Variants in COP1 observed in about 807,000 individuals in gnomAD.
The protein encoded by COP1 is E3 ubiquitin-protein ligase COP1.
Under a neutral mutation model 101.3 loss-of-function variants are expected in COP1, and 24 were observed. That is an observed-to-expected ratio of 0.24 (90% CI 0.17 to 0.33). The LOEUF is 0.33. Ranked by LOEUF, COP1 falls within the 10% of genes least tolerant of loss-of-function variation. The probability of loss-of-function intolerance (pLI) is 1.00; values close to 1 mark genes in which losing one functional copy is unlikely to be tolerated. For missense variants in COP1, 663 were observed against 906.2 expected (o/e 0.73, Z 3.45); for synonymous variants, 347 against 341.9 (o/e 1.01, Z -0.17).
Position 176,158,355 on chromosome 1 carries a change from T to C in COP1, c.762+4514A>G, listed in dbSNP as rs905603180. Among the ~76,000 whole-genome samples, 8 of 152,212 alleles carry C rather than the reference T, an allele frequency of 5.3e-5. No homozygotes were observed. The East Asian group carries it at 1.5e-3, about 29-fold the overall frequency. On this transcript the variant is annotated intron_variant, in intron 5 of 19. Transcript: ENST00000367669. ...TTTGTCAGACATATAAAAGAAATAATTCGCCTCTCGCCGTCCTGCACTAAA... is the reference window on the plus strand; with the variant it reads ...TTTGTCAGACATATAAAAGAAATAACTCGCCTCTCGCCGTCCTGCACTAAA...
chr1:176,041,429 C>T (rs1670516474), intron 14 of COP1, among the ~76,000 whole-genome samples: 1 of 150,854 alleles, frequency 6.6e-6, no homozygotes, highest in South Asian at 2.1e-4. Context: ...ATCACTACAA[C>T]CTCTGCCTCC....
chr1:176,056,188 T>G (rs1251494307), intron 11 of COP1, among the ~76,000 whole-genome samples: 1 of 152,218 alleles, frequency 6.6e-6, no homozygotes, highest in African/African-American at 2.4e-5. Flanking sequence ...TTTTCTGTAA[T>G]TTGAGATTTG....
At chr1:176,040,559 C>T (rs541479104) in intron 14 of COP1, among the ~76,000 whole-genome samples, 2 of 152,292 alleles carry the variant, frequency 1.3e-5, no homozygotes, top group African/African-American at 4.8e-5. Flanking sequence ...ATCCTCCTGC[C>T]TCAGCCTCCA....
At chr1:176,043,325 A>G in intron 13 of COP1, 58 bp from the exon 14 acceptor site, 1 of 1,055,148 alleles carries the variant, frequency 9.5e-7, no homozygotes, top group Non-Finnish European at 1.4e-6. Flanking sequence ...AAATGAATAA[A>G]GCAAGAAAAA....
rs555717658 is a variant in COP1 at position 176,119,774 on chromosome 1, A to G, written c.969-3093T>C. ...CCACAGTCACTAGATGGCAGTAACA[A>G]TATCAATAGTACCATTTACTGACGG... On this transcript the variant is annotated intron_variant, in intron 8 of 19. Coordinates refer to ENST00000367669, the MANE Select transcript of COP1 (RefSeq NM_022457.7). Among the ~76,000 whole-genome samples the G allele has an allele frequency of 1.2e-3, 190 of 152,290 alleles. 2 individuals carry two copies. Among genetic ancestry groups the G allele is most frequent in the African/African-American group, 4.4e-3 (184 of 41,574 alleles).
At chr1:176,009,155 C>A (rs1664142774) in intron 15 of COP1, among the ~76,000 whole-genome samples, 1 of 152,154 alleles carries the variant, frequency 6.6e-6, no homozygotes, top group Admixed American at 6.5e-5. Context: ...TTGTCCAGAT[C>A]TTTGTTTTCA....
At chr1:176,079,916 G>A (rs180931587) in intron 11 of COP1, among the ~76,000 whole-genome samples, 1 of 151,942 alleles carries the variant, frequency 6.6e-6, no homozygotes, top group East Asian at 1.9e-4. Context: ...CCAGCTACTC[G>A]GGAAGCTGAG....
At position 176,165,492 on chromosome 1, in the gene COP1, C is replaced by T. The variant is rs902897148; in HGVS notation, c.566-1601G>A. Among the ~76,000 whole-genome samples, 14 of 151,538 alleles carry T rather than the reference C, an allele frequency of 9.2e-5. No homozygotes were observed. In the East Asian group the frequency reaches 2.1e-3, roughly 23 times the overall value. On this transcript the variant is annotated intron_variant, in intron 3 of 19. Coordinates refer to ENST00000367669, the MANE Select transcript of COP1 (RefSeq NM_022457.7). ...GGTGGATCACCTGAGGTCAGGAGTT[C>T]GAGACCAGCCTGGCCAACATGGCAA...
chr1:176,181,541 G>T (rs1049954963), intron 2 of COP1, among the ~76,000 whole-genome samples: 1 of 152,036 alleles, frequency 6.6e-6, no homozygotes, highest in African/African-American at 2.4e-5. Flanking sequence ...TCTCCAGTGG[G>T]TATCTTAAAA....
At chr1:175,965,188 G>C (rs77361500) in intron 18 of COP1, among the ~76,000 whole-genome samples, 10,573 of 152,060 alleles carry the variant, frequency 0.07, 462 homozygotes, top group Non-Finnish European at 0.087. Flanking sequence ...AGGAGGTCAT[G>C]GACTCTGTGT....
intron 18 of COP1, 135 bp downstream of exon 18, chr1:175,986,808 T>C (rs1471749149): frequency 3.3e-6 from 2 of 613,000 alleles, no homozygotes; most frequent in Non-Finnish European, 5.5e-6. Flanking sequence ...CCTATTGTCT[T>C]TGGTGACACA....
At chr1:175,987,297 C>G (rs1348377478) in intron 17 of COP1, among the ~76,000 whole-genome samples, 194 bp from the exon 18 acceptor site, 1 of 152,096 alleles carries the variant, frequency 6.6e-6, no homozygotes, top group South Asian at 2.1e-4. Flanking sequence ...CTTTACTAAT[C>G]TAAAGAAACA....
At chr1:176,167,910 G>A (rs1435203535) in intron 3 of COP1, among the ~76,000 whole-genome samples, 3 of 152,044 alleles carry the variant, frequency 2.0e-5, no homozygotes, top group East Asian at 1.9e-4. Flanking sequence ...GTACATACAG[G>A]ATTGAAAACA....
chr1:176,148,639 T>A (rs1163558360), intron 6 of COP1, among the ~76,000 whole-genome samples: 1 of 152,162 alleles, frequency 6.6e-6, no homozygotes, highest in African/African-American at 2.4e-5. Flanking sequence ...TACATATGTT[T>A]TTACCATAAG....
intron 9 of COP1, among the ~76,000 whole-genome samples, chr1:176,098,897 G>A (rs1682887883): frequency 6.6e-6 from 1 of 152,134 alleles, no homozygotes; most frequent in African/African-American, 2.4e-5. Context: ...CAAATGAGGG[G>A]TAAACAGAAC....
intron 9 of COP1, among the ~76,000 whole-genome samples, chr1:176,114,088 A>T (rs1282793879): frequency 6.6e-6 from 1 of 152,038 alleles, no homozygotes; most frequent in Admixed American, 6.6e-5. Flanking sequence ...GTGAAATTAT[A>T]TTCAGAAGGA....
At chr1:176,057,887 G>T (rs1300151686) in intron 11 of COP1, among the ~76,000 whole-genome samples, 1 of 151,934 alleles carries the variant, frequency 6.6e-6, no homozygotes, top group Non-Finnish European at 1.5e-5. Context: ...TCTAGGAAGT[G>T]AGGAGCGTCT....
intron 18 of COP1, among the ~76,000 whole-genome samples, chr1:175,960,913 G>A (rs1302295829): frequency 7.9e-5 from 12 of 152,164 alleles, no homozygotes; most frequent in Non-Finnish European, 1.6e-4. Flanking sequence ...TGTGTGAGTC[G>A]GTTGACTGAG....
At chr1:175,993,328 G>C (rs935130856) in intron 15 of COP1, among the ~76,000 whole-genome samples, 1 of 152,168 alleles carries the variant, frequency 6.6e-6, no homozygotes, top group Admixed American at 6.5e-5. Context: ...ACTCTAAAAA[G>C]CAGAGTGCCT....
Sources: gnomAD v4.1 joint callset for allele counts (sites outside exome capture counted in the v4.1 genomes callset) on GRCh38, gnomAD v4.1.1 for gene constraint, MANE v1.5 for transcripts, NCBI Gene and HGNC (gene_info 2026-07-23, HGNC 2026-07-21) for gene names.